The following FILIP1L variants were observed in gnomAD, a reference collection of about 807,000 sequenced individuals.
FILIP1L encodes filamin A interacting protein 1 like.
FILIP1L carries 55 observed loss-of-function variants against 96.6 expected under a neutral mutation model. The observed-to-expected ratio is 0.57, with a 90% CI of 0.46 to 0.71. The LOEUF (loss-of-function observed/expected upper bound fraction) is 0.71. Among genes scored for constraint, FILIP1L ranks in the 30% least tolerant of loss-of-function variants. FILIP1L has a pLI of 0.00. For synonymous variants in FILIP1L, 467 were observed against 473.9 expected, an observed-to-expected ratio of 0.99 and a Z score of 0.19; for missense variants, 1,304 against 1,321.2, an observed-to-expected ratio of 0.99 and a Z score of 0.20.
At chr3:99,998,193 A>G (rs921960427) in intron 1 of FILIP1L, among the ~76,000 whole-genome samples, 3 of 152,234 alleles carry the variant, frequency 2.0e-5, no homozygotes, top group African/African-American at 4.8e-5. Context: ...AAAAACTGCA[A>G]TTACTTTTGC....
chr3:99,982,290 G>A (rs7616988), intron 1 of FILIP1L, among the ~76,000 whole-genome samples: 119,290 of 151,818 alleles, frequency 0.79, 46,939 homozygotes, highest in East Asian at 0.86. Context: ...TTAATCTGGG[G>A]CTGTGTATTT....
In FILIP1L at chr3:99,830,624, A is replaced by G. The variant is rs774900029; in HGVS notation, c.3382-19T>C. Reference sequence around the variant, plus strand: ...CCTTGATCTTGAATTAAACAAGAGAACAAAAGGTAATTAATGGTACAGTTG... The same window carrying G: ...CCTTGATCTTGAATTAAACAAGAGAGCAAAAGGTAATTAATGGTACAGTTG... On this transcript the variant is annotated intron_variant, in intron 5 of 5. Coordinates refer to ENST00000477258, the MANE Select transcript of FILIP1L (RefSeq NM_001387850.1). 5.0e-5 allele frequency: 23 copies of G among 456,338 alleles called. No homozygotes were observed. Among genetic ancestry groups the G allele is most frequent in the Non-Finnish European group, 9.7e-5 (22 of 226,826 alleles). The allele number at this position is 456,338 out of a possible 1,614,324, so 28.3% of individuals were successfully genotyped here.
chr3:100,034,966 T>C (rs1162106157), intron 1 of FILIP1L, among the ~76,000 whole-genome samples: 1 of 152,142 alleles, frequency 6.6e-6, no homozygotes, highest in Non-Finnish European at 1.5e-5. Flanking sequence ...AAAAACAACT[T>C]GGGATGTCAA....
chr3:99,860,879 C>T (rs1024544694), intron 4 of FILIP1L, among the ~76,000 whole-genome samples: 3 of 152,066 alleles, frequency 2.0e-5, no homozygotes, highest in Admixed American at 2.0e-4. Flanking sequence ...CATTTAATAC[C>T]GTGAATATTG....
chr3:99,958,596 A>G (rs1448404297), intron 1 of FILIP1L, among the ~76,000 whole-genome samples: 1 of 152,210 alleles, frequency 6.6e-6, no homozygotes, highest in Non-Finnish European at 1.5e-5. Context: ...TAGTAGAATT[A>G]GACAACATTT....
chr3:99,978,331 C>T (rs796654076), intron 1 of FILIP1L, among the ~76,000 whole-genome samples: 103 of 152,300 alleles, frequency 6.8e-4, no homozygotes, highest in African/African-American at 2.4e-3. Flanking sequence ...GACATCTACA[C>T]TGCCAGGCTT....
Position 99,848,284 on chromosome 3 carries a change from A to C in FILIP1L, c.3381+11T>G. Reference sequence around the variant, plus strand: ...TGAGGGTGAGCGTGGTCAGTTATATATATTACTTACTGTAATTTGTGATTG... The same window carrying C: ...TGAGGGTGAGCGTGGTCAGTTATATCTATTACTTACTGTAATTTGTGATTG... On this transcript the variant is annotated intron_variant, in intron 5 of 5. Transcript: ENST00000477258. 6.2e-7 allele frequency: 1 copy of C among 1,613,798 alleles called. No individual in the cohort carries two copies. The highest frequency in any genetic ancestry group is 1.1e-5 in the South Asian group (1 of 91,016).
intron 4 of FILIP1L, among the ~76,000 whole-genome samples, chr3:99,876,400 G>A (rs1705523916): frequency 6.6e-6 from 1 of 152,150 alleles, no homozygotes; most frequent in Admixed American, 6.5e-5. Context: ...CCGGTGGGCC[G>A]GGGCGCCGGC....
chr3:99,969,830 C>G (rs1033404803), intron 1 of FILIP1L, among the ~76,000 whole-genome samples: 2 of 152,154 alleles, frequency 1.3e-5, no homozygotes, highest in African/African-American at 4.8e-5. Context: ...TGAAGTCACT[C>G]ATTGTCACAA....
intron 1 of FILIP1L, among the ~76,000 whole-genome samples, chr3:100,042,454 T>G (rs1244068899): frequency 6.6e-6 from 1 of 152,244 alleles, no homozygotes; most frequent in African/African-American, 2.4e-5. Context: ...AAACTGTGAT[T>G]CACGGTGCTA....
At chr3:100,054,174 T>C (rs1286026983) in intron 1 of FILIP1L, among the ~76,000 whole-genome samples, 1 of 152,216 alleles carries the variant, frequency 6.6e-6, no homozygotes, top group Admixed American at 6.5e-5. Flanking sequence ...AAAGTTGCCA[T>C]TGTACTGTGA....
chr3:100,020,112 G>A (rs1308832408), intron 1 of FILIP1L, among the ~76,000 whole-genome samples: 1 of 152,082 alleles, frequency 6.6e-6, no homozygotes, highest in Non-Finnish European at 1.5e-5. Context: ...CATATACCTT[G>A]TAATTTTATT....
At chr3:100,039,442 A>G (rs1575975259) in intron 1 of FILIP1L, among the ~76,000 whole-genome samples, 1 of 152,218 alleles carries the variant, frequency 6.6e-6, no homozygotes, top group East Asian at 1.9e-4. Context: ...GTGGAGTTCT[A>G]CAAAAATACC....
chr3:100,014,501 C>G (rs1710261130), intron 1 of FILIP1L, among the ~76,000 whole-genome samples: 1 of 152,016 alleles, frequency 6.6e-6, no homozygotes, highest in African/African-American at 2.4e-5. Flanking sequence ...CTCACCAACA[C>G]TTTTCTTTTG....
intron 1 of FILIP1L, among the ~76,000 whole-genome samples, chr3:100,101,528 G>T (rs141270906): frequency 3.3e-5 from 5 of 152,094 alleles, no homozygotes; most frequent in Non-Finnish European, 2.9e-5. Context: ...TGGAATTCTT[G>T]ATTGTGGTGG....
At chr3:100,021,315 C>A (rs1029427655) in intron 1 of FILIP1L, among the ~76,000 whole-genome samples, 1 of 152,164 alleles carries the variant, frequency 6.6e-6, no homozygotes, top group Non-Finnish European at 1.5e-5. Flanking sequence ...AAGTGAGGCT[C>A]AGGTTTTTGT....
At chr3:100,074,477 G>A (rs141642554) in intron 1 of FILIP1L, among the ~76,000 whole-genome samples, 1 of 151,916 alleles carries the variant, frequency 6.6e-6, no homozygotes, top group East Asian at 1.9e-4. Context: ...ATTTTTCTCT[G>A]TGGATCTCTT....
At chr3:99,879,862 G>A (rs1705662343) in intron 4 of FILIP1L, among the ~76,000 whole-genome samples, 1 of 152,142 alleles carries the variant, frequency 6.6e-6, no homozygotes, top group Admixed American at 6.5e-5. Context: ...TGAACAGAGT[G>A]GGAACAGACC....
At position 99,850,339 on chromosome 3, in the gene FILIP1L, C is replaced by T; in HGVS notation, c.1337G>A (p.Cys446Tyr). 1.9e-6 allele frequency: 3 copies of T among 1,612,772 alleles called. No individual in the cohort carries two copies. Among genetic ancestry groups the T allele is most frequent in the Non-Finnish European group, 2.5e-6 (3 of 1,179,776 alleles). Residue 446 changes from cysteine (C) to tyrosine (Y), a missense_variant, in exon 5 of 6, where the codon TGC becomes TAC. Physicochemically the swap from Cys to Tyr is radical, Grantham distance 194. Coordinates refer to ENST00000477258, the MANE Select transcript of FILIP1L (RefSeq NM_001387850.1). Reference protein sequence around the residue: ...KSKQECYSLKCNLEKERMTTK... With the variant: ...KSKQECYSLKYNLEKERMTTK... ...GGTCATCCTTTCTTTTTCTAAATTG[C>T]ATTTCAGAGAGTAGCATTCTTGTTT...
Sources: gnomAD v4.1 joint callset for allele counts (sites outside exome capture counted in the v4.1 genomes callset) on GRCh38, gnomAD v4.1.1 for gene constraint, MANE v1.5 for transcripts, NCBI Gene and HGNC (gene_info 2026-07-23, HGNC 2026-07-21) for gene names.